LRRC8D: variants seen among roughly 807,000 people sequenced by gnomAD.
LRRC8D encodes volume-regulated anion channel subunit LRRC8D.
In LRRC8D, 20 loss-of-function variants were observed where a neutral mutation model predicts 55.8. That is an observed-to-expected ratio of 0.36 (90% CI 0.25 to 0.52). LRRC8D has a LOEUF of 0.52. LRRC8D is among the 20% of genes least tolerant of loss of function. LRRC8D has a pLI of 0.93. For synonymous variants in LRRC8D, 352 were observed against 377.0 expected (o/e 0.93, Z 0.77); for missense variants, 651 against 1,030.8 (o/e 0.63, Z 5.05).
At chr1:89,922,641 G>A (rs1409466676) in intron 2 of LRRC8D, among the ~76,000 whole-genome samples, 15 of 152,148 alleles carry the variant, frequency 9.9e-5, no homozygotes, top group Non-Finnish European at 2.2e-4. Context: ...TACACTGTGA[G>A]GTGGTTTTTA....
chr1:89,891,081 C>T (rs560606412), intron 2 of LRRC8D, among the ~76,000 whole-genome samples: 85 of 152,198 alleles, frequency 5.6e-4, no homozygotes, highest in Admixed American at 1.5e-3. Flanking sequence ...GGGGTTTCAC[C>T]GTGTTAGCCA....
intron 2 of LRRC8D, among the ~76,000 whole-genome samples, chr1:89,897,370 C>T (rs1018052545): frequency 1.3e-5 from 2 of 152,154 alleles, no homozygotes; most frequent in Admixed American, 1.3e-4. Flanking sequence ...TATCTACAGG[C>T]CTGTTGCCAT....
At chr1:89,864,145 T>C (rs1185655630) in intron 2 of LRRC8D, among the ~76,000 whole-genome samples, 1 of 152,236 alleles carries the variant, frequency 6.6e-6, no homozygotes, top group African/African-American at 2.4e-5. Flanking sequence ...AAGATTGGTC[T>C]GTTCTGTTTT....
chr1:89,890,947 T>A (rs192011246), intron 2 of LRRC8D, among the ~76,000 whole-genome samples: 24 of 152,288 alleles, frequency 1.6e-4, no homozygotes, highest in Admixed American at 1.5e-3. Context: ...AGTGGGGCGA[T>A]TTCGGCACAC....
chr1:89,835,195 G>A (rs1409999043), intron 1 of LRRC8D, among the ~76,000 whole-genome samples: 2 of 152,178 alleles, frequency 1.3e-5, no homozygotes, highest in South Asian at 2.1e-4. Context: ...AGTGTGTTTT[G>A]AAGGCTCTGC....
intron 2 of LRRC8D, among the ~76,000 whole-genome samples, chr1:89,845,760 A>G (rs1466782175): frequency 6.6e-6 from 1 of 151,668 alleles, no homozygotes; most frequent in African/African-American, 2.4e-5. Flanking sequence ...CTGTACAACC[A>G]TAGTGTTTTG....
At position 89,870,083 on chromosome 1, in the gene LRRC8D, G is replaced by C. The variant is rs534161056; in HGVS notation, c.-3+26301G>C. 2.6e-5 allele frequency among the ~76,000 whole-genome samples: 4 copies of C among 152,104 alleles called. No individual in the cohort carries two copies. In the East Asian group the frequency reaches 7.7e-4, roughly 29 times the overall value. On this transcript the variant is annotated intron_variant, in intron 2 of 2. Transcript: ENST00000337338. ...AGATTGCACCACTGCACTCCAGCCT[G>C]GGTGACAGAGCAAGACTCCGTCTCA... is the stretch of plus-strand genomic sequence containing the variant.
chr1:89,926,698 G>A (rs1395328425), intron 2 of LRRC8D, among the ~76,000 whole-genome samples: 4 of 152,124 alleles, frequency 2.6e-5, no homozygotes, highest in African/African-American at 9.7e-5. Flanking sequence ...TCATACTGTT[G>A]GGCAGTAGTA....
chr1:89,849,564 A>G (rs1477971626), intron 2 of LRRC8D, among the ~76,000 whole-genome samples: 3 of 151,800 alleles, frequency 2.0e-5, no homozygotes, highest in Non-Finnish European at 2.9e-5. Context: ...ATCAATTATA[A>G]TTATACCTAA....
chr1:89,825,058 C>T (rs1408247904), intron 1 of LRRC8D, among the ~76,000 whole-genome samples: 1 of 152,142 alleles, frequency 6.6e-6, no homozygotes, highest in African/African-American at 2.4e-5. Context: ...GTTGTTGTTC[C>T]TTCTCAATGT....
At chr1:89,862,952 G>C (rs1200233588) in intron 2 of LRRC8D, among the ~76,000 whole-genome samples, 1 of 152,050 alleles carries the variant, frequency 6.6e-6, no homozygotes, top group Non-Finnish European at 1.5e-5. Flanking sequence ...TTGGTTTGCT[G>C]TTTCAAAATA....
intron 2 of LRRC8D, among the ~76,000 whole-genome samples, chr1:89,905,419 C>G (rs1438064766): frequency 6.6e-6 from 1 of 152,154 alleles, no homozygotes; most frequent in Non-Finnish European, 1.5e-5. Flanking sequence ...ATTTGTTTCC[C>G]TCTCACCACA....
chr1:89,910,081 AC>A (rs1407954590), intron 2 of LRRC8D, among the ~76,000 whole-genome samples: 1 of 152,230 alleles, frequency 6.6e-6, no homozygotes, highest in Non-Finnish European at 1.5e-5. Flanking sequence ...TTATGGTTAC[AC>A]TTTAATGAAT....
intron 2 of LRRC8D, among the ~76,000 whole-genome samples, chr1:89,855,546 G>A (rs1350547126): frequency 6.6e-6 from 1 of 152,156 alleles, no homozygotes; most frequent in East Asian, 1.9e-4. Context: ...CCCCCATTAA[G>A]CTATTACACA....
In LRRC8D at chr1:89,936,293, C is replaced by G. The variant is rs1247057268; in HGVS notation, c.*648C>G. 1 of 166,906 alleles carries G rather than the reference C, an allele frequency of 6.0e-6. No homozygotes were observed. The highest frequency in any genetic ancestry group is 1.5e-5 in the Non-Finnish European group (1 of 68,088). 10.3% of individuals were successfully genotyped at this position (166,906 alleles called of 1,614,324 possible). On this transcript the variant is annotated 3_prime_UTR_variant, in exon 3 of 3. Coordinates refer to ENST00000337338, the MANE Select transcript of LRRC8D (RefSeq NM_001134479.2). ...GTTTTGTTTTTTTAAGAATAAGTAACAAGAAATAACACATTTCTTAATAAT... is the reference window on the plus strand; with the variant it reads ...GTTTTGTTTTTTTAAGAATAAGTAAGAAGAAATAACACATTTCTTAATAAT...
chr1:89,917,199 A>G (rs1272871944), intron 2 of LRRC8D, among the ~76,000 whole-genome samples: 1 of 152,192 alleles, frequency 6.6e-6, no homozygotes, highest in Non-Finnish European at 1.5e-5. Flanking sequence ...TATTTGCCCT[A>G]ATTAGCCCAT....
chr1:89,868,820 T>C (rs2100815571), intron 2 of LRRC8D, among the ~76,000 whole-genome samples: 1 of 152,350 alleles, frequency 6.6e-6, no homozygotes, highest in Non-Finnish European at 1.5e-5. Context: ...GTCTTTCTTA[T>C]TCCTTTTAGT....
At chr1:89,925,635 T>C (rs1438432896) in intron 2 of LRRC8D, among the ~76,000 whole-genome samples, 1 of 152,210 alleles carries the variant, frequency 6.6e-6, no homozygotes, top group Non-Finnish European at 1.5e-5. Context: ...ATATACTATA[T>C]TATATAAATA....
chr1:89,883,484 G>A (rs1662335260), intron 2 of LRRC8D, among the ~76,000 whole-genome samples: 1 of 152,176 alleles, frequency 6.6e-6, no homozygotes, highest in African/African-American at 2.4e-5. Flanking sequence ...GATGGTAAGG[G>A]AGGAGGAGAT....
Sources: gnomAD v4.1 joint callset for allele counts (sites outside exome capture counted in the v4.1 genomes callset) on GRCh38, gnomAD v4.1.1 for gene constraint, MANE v1.5 for transcripts, NCBI Gene and HGNC (gene_info 2026-07-23, HGNC 2026-07-21) for gene names.